WDR93: variants seen among roughly 807,000 people sequenced by gnomAD.
The protein encoded by WDR93 is WD repeat-containing protein 93.
WDR93 carries 73 observed loss-of-function variants against 82.9 expected under a neutral mutation model. The ratio of observed to expected loss-of-function variants is 0.88; its 90% CI spans 0.73 to 1.07. The LOEUF (loss-of-function observed/expected upper bound fraction) is 1.07, where lower values mean the gene tolerates loss of function less well. WDR93 is among the 50% of genes least tolerant of loss of function. The pLI is 0.00. For missense variants in WDR93, 738 were observed against 826.0 expected (o/e 0.89, Z 1.31); for synonymous variants, 283 against 300.1 (o/e 0.94, Z 0.59).
At chr15:89,700,712 A>T (rs1179841304) in intron 1 of WDR93, among the ~76,000 whole-genome samples, 10 of 119,096 alleles carry the variant, frequency 8.4e-5, no homozygotes, top group Admixed American at 7.5e-4. Flanking sequence ...GCATACTGCC[A>T]TGCCCAGCTA....
rs1567123978 is a variant in WDR93 at position 89,729,543 on chromosome 15, G to T, written c.1124-140G>T. The T allele has an allele frequency of 6.1e-6, 4 of 657,162 alleles. No homozygotes were observed. In the East Asian group the frequency reaches 8.3e-5, roughly 14 times the overall value. The allele number at this position is 657,162 out of a possible 1,614,324, so 40.7% of individuals were successfully genotyped here. A position where few individuals can be genotyped will look rare whatever the true frequency, so the allele number is the denominator to read the frequency against. ...CTCTTGGGAAACTCACCCTTCTCTT[G>T]GGTGCTGCCCATTAAAACAAACCAC... On this transcript the variant is annotated intron_variant, in intron 10 of 16. Transcript: ENST00000268130.
Position 89,731,426 on chromosome 15 carries a change from A to G in WDR93, c.1211-17A>G. 2 of 1,613,774 alleles carry G rather than the reference A, an allele frequency of 1.2e-6. No individual in the cohort carries two copies. Among genetic ancestry groups the G allele is most frequent in the Non-Finnish European group, 1.7e-6 (2 of 1,179,848 alleles). On this transcript the variant is annotated splice_polypyrimidine_tract_variant and intron_variant, in intron 11 of 16. Coordinates refer to ENST00000268130, the MANE Select transcript of WDR93 (RefSeq NM_020212.2). The stretch of plus-strand genomic sequence containing the variant: ...CAGAGTCTGGGGGAACCGGTTGAGT[A>G]TTGTCCTTCCCCCTAGACCCCGAGG...
intron 3 of WDR93, 160 bp downstream of exon 3, chr15:89,703,302 A>G: frequency 1.4e-6 from 1 of 739,496 alleles, no homozygotes; most frequent in Non-Finnish European, 2.2e-6. Flanking sequence ...TGGGTCAGAT[A>G]CTGTTCTACC....
At chr15:89,707,459 G>A (rs1304370329) in intron 4 of WDR93, among the ~76,000 whole-genome samples, 1 of 152,110 alleles carries the variant, frequency 6.6e-6, no homozygotes, top group Non-Finnish European at 1.5e-5. Context: ...CTGAACAGGA[G>A]AATCACTTGA....
At chr15:89,722,217 C>T (rs958178914) in intron 8 of WDR93, 78 bp downstream of exon 8, 46 of 1,151,120 alleles carry the variant, frequency 4.0e-5, no homozygotes, top group Non-Finnish European at 5.2e-5. Flanking sequence ...CTTATCTTTT[C>T]AACTTATTAG....
intron 3 of WDR93, chr15:89,704,240 A>C (rs1965622911): frequency 2.0e-5 from 3 of 152,086 alleles, no homozygotes; most frequent in Admixed American, 2.0e-4. Flanking sequence ...AGGAAGGAGA[A>C]TTGCTTGAAC....
chr15:89,710,618 A>T (rs962971414), intron 4 of WDR93, among the ~76,000 whole-genome samples: 1 of 152,162 alleles, frequency 6.6e-6, no homozygotes, highest in Non-Finnish European at 1.5e-5. Context: ...AAAAAAAAAT[A>T]CTGGGAATGT....
intron 16 of WDR93, among the ~76,000 whole-genome samples, chr15:89,739,170 G>A (rs1275550698): frequency 2.6e-5 from 4 of 151,948 alleles, no homozygotes; most frequent in African/African-American, 4.8e-5. Context: ...TTAAGATGGG[G>A]TTGGCAAACT....
Position 89,703,131 on chromosome 15 carries a change from T to A in WDR93, c.485T>A (p.Val162Glu). ...DLGNEILIAP[V>E]DEMGIIRLFY... ...GGGAATGAAATACTCATTGCTCCTG[T>A]GGATGAAATGGGTATTGTTCTTCAT... The change falls in exon 3 of 17, where the codon GTG becomes GAG. Residue 162 changes from valine to glutamate, a missense_variant. By Grantham distance (121) the Val-to-Glu change is moderately radical. Coordinates refer to ENST00000268130, the MANE Select transcript of WDR93 (RefSeq NM_020212.2). 6.2e-7 allele frequency: 1 copy of A among 1,614,196 alleles called. No homozygotes were observed. The highest frequency in any genetic ancestry group is 8.5e-7 in the Non-Finnish European group (1 of 1,180,002).
intron 8 of WDR93, among the ~76,000 whole-genome samples, chr15:89,725,109 C>T (rs927520210): frequency 6.6e-6 from 1 of 152,154 alleles, no homozygotes; most frequent in Non-Finnish European, 1.5e-5. Flanking sequence ...GATTTGCAAG[C>T]AAGTGTGTTC....
At chr15:89,727,362 A>G in intron 9 of WDR93, 34 bp downstream of exon 9, 1 of 1,605,614 alleles carries the variant, frequency 6.2e-7, no homozygotes, top group South Asian at 1.1e-5. Context: ...GCCAGGGAGC[A>G]TCCCCAGGCT....
intron 11 of WDR93, among the ~76,000 whole-genome samples, 200 bp downstream of exon 11, chr15:89,729,969 G>A (rs1966845348): frequency 6.6e-6 from 1 of 152,186 alleles, no homozygotes. Context: ...AAAGACAACA[G>A]GTCAATAGGG....
intron 3 of WDR93, 174 bp from the exon 4 acceptor site, chr15:89,705,380 G>A: frequency 1.6e-6 from 1 of 626,250 alleles, no homozygotes; most frequent in Non-Finnish European, 2.9e-6. Flanking sequence ...ACATTCAAGA[G>A]GGGTGGAGGA....
chr15:89,715,140 C>G (rs1266087951), intron 6 of WDR93, 45 bp downstream of exon 6: 2 of 1,558,372 alleles, frequency 1.3e-6, no homozygotes, highest in African/African-American at 1.4e-5. Context: ...CTCCCTACCC[C>G]TGACCCACAT....
At chr15:89,742,405 C>T (rs974676006) in intron 16 of WDR93, among the ~76,000 whole-genome samples, 1 of 152,042 alleles carries the variant, frequency 6.6e-6, no homozygotes, top group African/African-American at 2.4e-5. Context: ...CTACCACAAC[C>T]CCACTGACAG....
intron 4 of WDR93, among the ~76,000 whole-genome samples, chr15:89,708,576 G>C (rs1465795300): frequency 1.3e-5 from 2 of 152,162 alleles, no homozygotes; most frequent in African/African-American, 4.8e-5. Flanking sequence ...GAAAATTTCG[G>C]AAACAGATGA....
At position 89,714,999 on chromosome 15, in the gene WDR93, G is replaced by A. The variant is rs1386018474; in HGVS notation, c.660G>A (p.Leu220=). The A allele has an allele frequency of 1.9e-6, 3 of 1,613,838 alleles. No individual in the cohort carries two copies. The highest frequency in any genetic ancestry group is 1.7e-5 in the Admixed American group (1 of 59,994). The change falls in exon 6 of 17, where the codon CTG becomes CTA. Residue 220 remains leucine, a synonymous_variant. Coordinates refer to ENST00000268130, the MANE Select transcript of WDR93 (RefSeq NM_020212.2). ...ATGCAGGAGCCGGAGATATTTGGCTGGATGTGTATAAATTGCCCAAGGAGA... is the reference window on the plus strand; with the variant it reads ...ATGCAGGAGCCGGAGATATTTGGCTAGATGTGTATAAATTGCCCAAGGAGA... ...FLLQGAGDIW[L]DVYKLPKETW...
At chr15:89,710,373 A>T (rs1965920668) in intron 4 of WDR93, among the ~76,000 whole-genome samples, 1 of 152,200 alleles carries the variant, frequency 6.6e-6, no homozygotes, top group South Asian at 2.1e-4. Context: ...GAAACTTAAG[A>T]ACAGGCGAAA....
chr15:89,706,452 A>AT (rs1965732184), intron 4 of WDR93, among the ~76,000 whole-genome samples: 3 of 151,794 alleles, frequency 2.0e-5, no homozygotes, highest in Admixed American at 2.0e-4. Flanking sequence ...GTCATAGTAG[A>AT]TTTTTTTATT....
Sources: gnomAD v4.1 joint callset for allele counts (sites outside exome capture counted in the v4.1 genomes callset) on GRCh38, gnomAD v4.1.1 for gene constraint, MANE v1.5 for transcripts, NCBI Gene and HGNC (gene_info 2026-07-23, HGNC 2026-07-21) for gene names.